TRPC7: variants seen among roughly 807,000 people sequenced by gnomAD.
The protein encoded by TRPC7 is short transient receptor potential channel 7.
Under a neutral mutation model 90.1 loss-of-function variants are expected in TRPC7, and 42 were observed. The ratio of observed to expected loss-of-function variants is 0.47; its 90% CI spans 0.36 to 0.60. The LOEUF (loss-of-function observed/expected upper bound fraction) is 0.60, where lower values mean the gene tolerates loss of function less well. Among genes scored for constraint, TRPC7 ranks in the 20% least tolerant of loss-of-function variants. The probability of loss-of-function intolerance (pLI) is 0.00; values close to 1 mark genes in which losing one functional copy is unlikely to be tolerated. For synonymous variants in TRPC7, 451 were observed against 436.3 expected, an observed-to-expected ratio of 1.03 and a Z score of -0.42; for missense variants, 955 against 1,112.3, an observed-to-expected ratio of 0.86 and a Z score of 2.01.
chr5:136,213,284 A>T lies in TRPC7; in HGVS notation c.*151T>A. On this transcript the variant is annotated 3_prime_UTR_variant, in exon 12 of 12. Transcript: ENST00000513104. Reference sequence around the variant, plus strand: ...GTCTAGGCAGGCCAGCGGGCTGGAGATGTCAGTCATGCTGCAAGAGACTGA... The same window carrying T: ...GTCTAGGCAGGCCAGCGGGCTGGAGTTGTCAGTCATGCTGCAAGAGACTGA... 1 of 774,022 alleles carries T rather than the reference A, an allele frequency of 1.3e-6. No homozygotes were observed. The highest frequency in any genetic ancestry group is 2.1e-6 in the Non-Finnish European group (1 of 484,914). 47.9% of individuals were successfully genotyped at this position (774,022 alleles called of 1,614,324 possible). A position where few individuals can be genotyped will look rare whatever the true frequency, so the allele number is the denominator to read the frequency against.
At chr5:136,242,668 T>C (rs975962342) in intron 7 of TRPC7, among the ~76,000 whole-genome samples, 33 of 152,206 alleles carry the variant, frequency 2.2e-4, no homozygotes, top group Non-Finnish European at 1.2e-4. Flanking sequence ...CATCTCCCTA[T>C]TGGTGCAATG....
intron 10 of TRPC7, among the ~76,000 whole-genome samples, chr5:136,223,633 TA>T (rs534891669): frequency 4.7e-4 from 66 of 140,106 alleles, no homozygotes; most frequent in East Asian, 8.3e-4. Flanking sequence ...ATAAATAAAG[TA>T]AAAAAAAAAA....
chr5:136,215,883 A>G (rs1346279572), intron 11 of TRPC7, among the ~76,000 whole-genome samples: 1 of 151,742 alleles, frequency 6.6e-6, no homozygotes, highest in Admixed American at 6.6e-5. Context: ...AGATGGGACA[A>G]TGGAAGATGA....
At position 136,213,488 on chromosome 5, in the gene TRPC7, C is replaced by T; in HGVS notation, c.2536G>A (p.Gly846Arg). ...DLIQQLSEKF[G>R]KNLNKDHLRV... ...AGGTGGTCTTTGTTTAAGTTCTTTC[C>T]AAACTTCTCGCTGAGTTGTTGAATC... Residue 846 changes from glycine (G) to arginine (R), a missense_variant, in exon 12 of 12, where the codon GGA becomes AGA. Gly to Arg is a moderately radical substitution (Grantham distance 125). Coordinates refer to ENST00000513104, the MANE Select transcript of TRPC7 (RefSeq NM_020389.3). 6.2e-7 allele frequency: 1 copy of T among 1,614,022 alleles called. No individual in the cohort carries two copies. Among genetic ancestry groups the T allele is most frequent in the Non-Finnish European group, 8.5e-7 (1 of 1,179,894 alleles).
intron 3 of TRPC7, among the ~76,000 whole-genome samples, chr5:136,295,745 A>G (rs1758145569): frequency 6.6e-6 from 1 of 152,202 alleles, no homozygotes; most frequent in African/African-American, 2.4e-5. Context: ...AGTTTATCCT[A>G]TGGTTGATAG....
At chr5:136,353,025 C>T (rs1159523994) in intron 2 of TRPC7, among the ~76,000 whole-genome samples, 2 of 152,108 alleles carry the variant, frequency 1.3e-5, no homozygotes, top group Admixed American at 6.5e-5. Context: ...CAAGTATTTC[C>T]GGAATGCTCA....
chr5:136,356,719 T>C lies in TRPC7; in HGVS notation c.669A>G (p.Lys223=). The change falls in exon 2 of 12, where the codon AAA becomes AAG. Residue 223 remains lysine (K), a synonymous_variant. Coordinates refer to ENST00000513104, the MANE Select transcript of TRPC7 (RefSeq NM_020389.3). ...SHSRSRMNAY[K]GLASAAYLSL... Reference sequence around the variant, plus strand: ...ACAAGTAGGCAGCACTCGCCAGTCCTTTGTAGGCGTTCATGCGCGAGCGCG... The same window carrying C: ...ACAAGTAGGCAGCACTCGCCAGTCCCTTGTAGGCGTTCATGCGCGAGCGCG... 6.2e-7 allele frequency: 1 copy of C among 1,612,076 alleles called. No individual in the cohort carries two copies. Among genetic ancestry groups the C allele is most frequent in the Non-Finnish European group, 8.5e-7 (1 of 1,178,740 alleles).
intron 3 of TRPC7, among the ~76,000 whole-genome samples, chr5:136,300,881 G>T (rs1255457728): frequency 6.6e-6 from 1 of 152,218 alleles, no homozygotes; most frequent in Non-Finnish European, 1.5e-5. Flanking sequence ...ACTGTTCTCA[G>T]CCTTCAGAGA....
chr5:136,290,617 G>T (rs1757908821), intron 3 of TRPC7, among the ~76,000 whole-genome samples: 1 of 152,186 alleles, frequency 6.6e-6, no homozygotes, highest in Non-Finnish European at 1.5e-5. Context: ...AATGAACAAA[G>T]CCTCCAAGAA....
rs115477500 is a variant in TRPC7, at chr5:136,251,829, C to T, written c.1399G>A (p.Val467Met). Residue 467 changes from valine to methionine, a missense_variant, in exon 6 of 12, where the codon GTG becomes ATG. Around this residue, in one of 4 missense-constraint regions of TRPC7, gnomAD observed 484 missense variants for 509.6 expected, o/e 0.95. Transcript: ENST00000513104. The part of the protein sequence containing the change: ...EIWEEGPREY[V>M]LHLWNLLDFG... ...TCTAGCAGGTTCCACAAGTGCAGCA[C>T]GTACTCCCGTGGCCCCTCCTCCCAG... 2.1e-4 allele frequency: 339 copies of T among 1,613,996 alleles called. 1 individual carries two copies. In the African/African-American group the frequency reaches 4.2e-3, roughly 20 times the overall value.
intron 2 of TRPC7, among the ~76,000 whole-genome samples, chr5:136,335,903 CAAAAAAAAAAAAAAA>C (rs869287763): frequency 5.2e-5 from 2 of 38,680 alleles, no homozygotes; most frequent in African/African-American, 2.2e-4. Flanking sequence ...GACTCCGTCT[CAAAAAAAAAAAAAAA>C]AAAAAAAAAA....
At position 136,216,250 on chromosome 5, in the gene TRPC7, C is replaced by T. The variant is rs1339420253; in HGVS notation, c.2369G>A (p.Arg790Lys). The change falls in exon 11 of 12, where the codon AGA becomes AAA. Residue 790 changes from arginine to lysine, a missense_variant. By Grantham distance (26) the Arg-to-Lys change is conservative. This residue lies in a region of TRPC7 where 296 missense variants were observed against 422.7 expected (regional missense o/e 0.70). Coordinates refer to ENST00000513104, the MANE Select transcript of TRPC7 (RefSeq NM_020389.3). ...YQKIMKRLIK[R>K]YVLKAQVDRE... ...GTCCACCTGGGCTTTCAGGACGTAT[C>T]TTTTTATGAGCCGTTTCATGATTTT... The T allele has an allele frequency of 6.2e-7, 1 of 1,613,222 alleles. No homozygotes were observed. The highest frequency in any genetic ancestry group is 8.5e-7 in the Non-Finnish European group (1 of 1,179,668).
At chr5:136,315,922 T>C (rs529593940) in intron 2 of TRPC7, 143 bp from the exon 3 acceptor site, 1 of 776,556 alleles carries the variant, frequency 1.3e-6, no homozygotes, top group South Asian at 1.9e-5. Flanking sequence ...CGCAGCAGGA[T>C]GTGCTGGGTG....
intron 2 of TRPC7, among the ~76,000 whole-genome samples, chr5:136,339,890 C>G (rs1759788787): frequency 6.6e-6 from 1 of 150,952 alleles, no homozygotes; most frequent in South Asian, 2.1e-4. Context: ...AGAGGATGTC[C>G]TCTTTATAAC....
intron 5 of TRPC7, among the ~76,000 whole-genome samples, chr5:136,255,198 G>A (rs958171428): frequency 1.3e-5 from 2 of 152,176 alleles, no homozygotes; most frequent in African/African-American, 2.4e-5. Context: ...AAGGCTTGAG[G>A]GTATTGAGTT....
intron 7 of TRPC7, among the ~76,000 whole-genome samples, chr5:136,234,859 T>C (rs1412817481): frequency 6.6e-6 from 1 of 152,192 alleles, no homozygotes; most frequent in Non-Finnish European, 1.5e-5. Context: ...GTTGTTGTTA[T>C]TAGAGGGCAC....
At chr5:136,357,548 T>G (rs1032796182) in intron 1 of TRPC7, among the ~76,000 whole-genome samples, 163 bp from the exon 2 acceptor site, 33 of 152,212 alleles carry the variant, frequency 2.2e-4, no homozygotes, top group African/African-American at 7.7e-4. Flanking sequence ...TCAGACACAC[T>G]GGGTTACCTG....
In TRPC7 at chr5:136,231,408, T is replaced by C. The variant is rs183130916; in HGVS notation, c.1986A>G (p.Val662=). 173 of 1,612,370 alleles carry C rather than the reference T, an allele frequency of 1.1e-4. No individual in the cohort carries two copies. In the Middle Eastern group the frequency reaches 2.5e-3, roughly 23 times the overall value. Residue 662 remains valine (V), a synonymous_variant, in exon 8 of 12, where the codon GTA becomes GTG. Transcript: ENST00000513104. ...TGGCTATTAGCATGTTGAGCAACAC[T>C]ACCACCATGGTGACGTTATAAACGC... ...LYGVYNVTMV[V]VLLNMLIAMI... is the part of the protein sequence containing the mutation.
At position 136,323,524 on chromosome 5, in the gene TRPC7, G is replaced by A. The variant is rs529631860; in HGVS notation, c.781-7745C>T. Among the ~76,000 whole-genome samples the A allele has an allele frequency of 1.1e-4, 17 of 152,242 alleles. No homozygotes were observed. In the South Asian group the frequency reaches 3.5e-3, roughly 32 times the overall value. On this transcript the variant is annotated intron_variant, in intron 2 of 11. Transcript: ENST00000513104. ...GTTAATTTTTTGTATATGATGTGAGGTGTAGGTTGAGGTATCTTTTATTGC... is the reference window on the plus strand; with the variant it reads ...GTTAATTTTTTGTATATGATGTGAGATGTAGGTTGAGGTATCTTTTATTGC...
Sources: allele counts gnomAD v4.1 joint callset (sites outside exome capture counted in the v4.1 genomes callset), GRCh38; gene constraint gnomAD v4.1.1; regional missense constraint gnomAD v4.1.1; transcripts MANE v1.5; gene names NCBI Gene and HGNC (gene_info 2026-07-23, HGNC 2026-07-21).